CCDC141: variants seen among roughly 807,000 people sequenced by gnomAD.
The protein encoded by CCDC141 is coiled-coil domain-containing protein 141.
In CCDC141, 168 loss-of-function variants were observed where a neutral mutation model predicts 181.0. The ratio of observed to expected loss-of-function variants is 0.93; its 90% CI spans 0.82 to 1.05. CCDC141 has a LOEUF of 1.05. Among genes scored for constraint, CCDC141 ranks in the 50% least tolerant of loss-of-function variants. The probability of loss-of-function intolerance (pLI) is 0.00; values close to 1 mark genes in which losing one functional copy is unlikely to be tolerated. For missense variants in CCDC141, 1,902 were observed against 1,788.5 expected (o/e 1.06, Z -1.14); for synonymous variants, 666 against 642.3 (o/e 1.04, Z -0.56).
At chr2:178,898,597 G>A (rs762148285) in intron 8 of CCDC141, among the ~76,000 whole-genome samples, 1 of 152,160 alleles carries the variant, frequency 6.6e-6, no homozygotes, top group Non-Finnish European at 1.5e-5. Context: ...CAGATTAGAT[G>A]CAGGAAATAG....
intron 2 of CCDC141, among the ~76,000 whole-genome samples, chr2:179,015,747 T>C (rs1402068039): frequency 2.3e-5 from 2 of 87,422 alleles, no homozygotes; most frequent in Non-Finnish European, 6.5e-5. Flanking sequence ...ATATATCTTA[T>C]ATATATCTCA....
At chr2:179,039,805 G>A (rs768737554) in intron 2 of CCDC141, among the ~76,000 whole-genome samples, 4 of 152,164 alleles carry the variant, frequency 2.6e-5, no homozygotes, top group Non-Finnish European at 4.4e-5. Context: ...GGTTAAGTTT[G>A]TGCCTATCTT....
Position 178,850,122 on chromosome 2 carries a change from G to T in CCDC141, c.3284C>A (p.Thr1095Lys). The T allele has an allele frequency of 3.7e-6, 6 of 1,611,096 alleles. No individual in the cohort carries two copies. Among genetic ancestry groups the T allele is most frequent in the Non-Finnish European group, 5.1e-6 (6 of 1,178,012 alleles). The change falls in exon 21 of 24, where the codon ACA becomes AAA. Residue 1095 changes from threonine (T) to lysine (K), a missense_variant. By Grantham distance (78) the Thr-to-Lys change is moderately conservative (BLOSUM62 -1). Coordinates refer to ENST00000443758, the MANE Select transcript of CCDC141 (RefSeq NM_173648.4). ...EGQKYIEKIV[T>K]KHKEVLESVT... The stretch of plus-strand genomic sequence containing the variant: ...AGATTCAAGAACCTCTTTGTGTTTT[G>T]TCACTATTTTCTCAATATATTTCTG...
At chr2:178,945,450 A>G (rs1689688592) in intron 5 of CCDC141, among the ~76,000 whole-genome samples, 1 of 152,098 alleles carries the variant, frequency 6.6e-6, no homozygotes, top group Non-Finnish European at 1.5e-5. Context: ...TGATATCATC[A>G]TTTTAGAGAT....
chr2:179,008,875 C>T lies in CCDC141; in HGVS notation c.226-30200G>A, dbSNP rs144808303. 1.4e-3 allele frequency among the ~76,000 whole-genome samples: 213 copies of T among 152,300 alleles called. 1 individual carries two copies. In the Middle Eastern group the frequency reaches 0.017, roughly 12 times the overall value. Reference sequence around the variant, plus strand: ...GAATACAGAGCACAATCAGGTCACTCCTCAGGCTATCACTTGTCAATGATT... The same window carrying T: ...GAATACAGAGCACAATCAGGTCACTTCTCAGGCTATCACTTGTCAATGATT... On this transcript the variant is annotated intron_variant, in intron 2 of 23. Transcript: ENST00000443758.
chr2:178,938,192 G>GAA (rs1689365274), intron 6 of CCDC141, among the ~76,000 whole-genome samples: 2 of 152,064 alleles, frequency 1.3e-5, no homozygotes, highest in South Asian at 4.1e-4. Context: ...CTTGATGTTA[G>GAA]AAAGACATTT....
chr2:178,837,804 T>C (rs530842671), intron 22 of CCDC141, 60 bp from the exon 23 acceptor site: 12 of 1,535,884 alleles, frequency 7.8e-6, no homozygotes, highest in East Asian at 6.8e-5. Context: ...CCAGTTTCAA[T>C]TACAGTAAAA....
intron 5 of CCDC141, among the ~76,000 whole-genome samples, chr2:178,952,306 G>A (rs1689982214): frequency 6.6e-6 from 1 of 152,274 alleles, no homozygotes; most frequent in African/African-American, 2.4e-5. Context: ...GTAGTGACAT[G>A]GTGAACATTT....
intron 6 of CCDC141, among the ~76,000 whole-genome samples, chr2:178,936,600 AT>A (rs1689299167): frequency 6.6e-6 from 1 of 152,030 alleles, no homozygotes; most frequent in Admixed American, 6.6e-5. Context: ...TCTTATATGA[AT>A]TTTAAAATAG....
At chr2:178,989,605 A>AATAAATAAATAAATAAAT (rs1559031994) in intron 2 of CCDC141, among the ~76,000 whole-genome samples, 1 of 136,882 alleles carries the variant, frequency 7.3e-6, no homozygotes, top group East Asian at 2.1e-4. Flanking sequence ...AAAAAAAAAA[A>AATAAATAAATAAATAAAT]AAATAAATAA....
chr2:178,828,373 A>G (rs1022506329), downstream of CCDC141, among the ~76,000 whole-genome samples: 1 of 152,082 alleles, frequency 6.6e-6, no homozygotes, highest in Non-Finnish European at 1.5e-5. Flanking sequence ...CATAGCATAC[A>G]AATCTTTCAG....
chr2:178,875,383 G>A (rs934497007), intron 12 of CCDC141: 1 of 151,992 alleles, frequency 6.6e-6, no homozygotes, highest in Non-Finnish European at 1.5e-5. Context: ...TGGTCAACAT[G>A]GTGAAACCTC....
intron 17 of CCDC141, 23 bp downstream of exon 17, chr2:178,865,744 G>A (rs776726666): frequency 1.2e-5 from 18 of 1,461,240 alleles, no homozygotes; most frequent in Middle Eastern, 1.8e-4. Context: ...CAATGTGCCA[G>A]TTCTCACCCC....
At chr2:179,046,597 C>T (rs1481218435) in intron 2 of CCDC141, among the ~76,000 whole-genome samples, 1 of 152,134 alleles carries the variant, frequency 6.6e-6, no homozygotes, top group Admixed American at 6.5e-5. Flanking sequence ...CATGAAGGAG[C>T]CAGACATTAA....
intron 2 of CCDC141, among the ~76,000 whole-genome samples, chr2:179,037,139 A>G (rs1223926394): frequency 6.6e-6 from 1 of 152,190 alleles, no homozygotes; most frequent in Admixed American, 6.5e-5. Flanking sequence ...ACAGAGAGAG[A>G]AGAGAACCTG....
intron 8 of CCDC141, among the ~76,000 whole-genome samples, chr2:178,889,527 G>A (rs1204814121): frequency 6.6e-6 from 1 of 152,030 alleles, no homozygotes; most frequent in Admixed American, 6.6e-5. Flanking sequence ...TAATTACCCA[G>A]AGTTTAAAAA....
At chr2:179,049,734 T>A in intron 1 of CCDC141, 106 bp downstream of exon 1, 1 of 1,234,366 alleles carries the variant, frequency 8.1e-7, no homozygotes. Context: ...TGCTGCGTTG[T>A]CTTCTCTATG....
intron 23 of CCDC141, chr2:178,836,072 G>T (rs1201136052): frequency 6.6e-6 from 1 of 152,500 alleles, no homozygotes; most frequent in African/African-American, 2.4e-5. Context: ...TAGTTTATAA[G>T]TATAAACTGG....
At chr2:178,926,192 T>C (rs1316123261) in intron 6 of CCDC141, among the ~76,000 whole-genome samples, 2 of 152,056 alleles carry the variant, frequency 1.3e-5, no homozygotes, top group Non-Finnish European at 2.9e-5. Flanking sequence ...TTATTTGCAA[T>C]CACGGACAAG....
Sources: gnomAD v4.1 joint callset for allele counts (sites outside exome capture counted in the v4.1 genomes callset) on GRCh38, gnomAD v4.1.1 for gene constraint, MANE v1.5 for transcripts, NCBI Gene and HGNC (gene_info 2026-07-23, HGNC 2026-07-21) for gene names.